The following ZNF704 variants were observed in gnomAD, a reference collection of about 807,000 sequenced individuals.
ZNF704 encodes zinc finger protein 704.
ZNF704 carries 10 observed loss-of-function variants against 44.7 expected under a neutral mutation model. That is an observed-to-expected ratio of 0.22 (90% confidence interval 0.14 to 0.38). The LOEUF is 0.38. Ranked by LOEUF, ZNF704 falls within the 10% of genes least tolerant of loss-of-function variation. ZNF704 has a pLI of 1.00. For synonymous variants in ZNF704, 211 were observed against 207.6 expected (o/e 1.02, Z -0.14); for missense variants, 390 against 545.5 (o/e 0.71, Z 2.84).
chr8:80,827,843 T>C (rs1185059187), intron 1 of ZNF704, among the ~76,000 whole-genome samples: 1 of 152,202 alleles, frequency 6.6e-6, no homozygotes, highest in Non-Finnish European at 1.5e-5. Flanking sequence ...ATTTAGTAAA[T>C]GGTGCTGGGA....
chr8:80,785,752 C>G (rs967659785), intron 2 of ZNF704, among the ~76,000 whole-genome samples: 7 of 152,230 alleles, frequency 4.6e-5, no homozygotes, highest in African/African-American at 1.7e-4. Flanking sequence ...ATTCTCCAGG[C>G]TCATCCTGTA....
intron 1 of ZNF704, among the ~76,000 whole-genome samples, chr8:80,827,435 T>C (rs1346132433): frequency 6.6e-6 from 1 of 152,170 alleles, no homozygotes; most frequent in African/African-American, 2.4e-5. Flanking sequence ...CACAAACAAA[T>C]GGAAGAATAT....
At chr8:80,683,296 G>C (rs1466325448) in intron 4 of ZNF704, among the ~76,000 whole-genome samples, 1 of 152,176 alleles carries the variant, frequency 6.6e-6, no homozygotes, top group African/African-American at 2.4e-5. Flanking sequence ...GGATAGAGAA[G>C]CCTTTCATTT....
intron 7 of ZNF704, among the ~76,000 whole-genome samples, chr8:80,653,220 T>C (rs1262059039): frequency 6.6e-6 from 1 of 152,206 alleles, no homozygotes; most frequent in African/African-American, 2.4e-5. Flanking sequence ...TCATACTGAA[T>C]GGGCAAAAAC....
At chr8:80,659,739 G>C (rs374179304) in intron 6 of ZNF704, 50 bp from the exon 7 acceptor site, 25 of 1,533,912 alleles carry the variant, frequency 1.6e-5, no homozygotes, top group Middle Eastern at 3.4e-4. Context: ...ATTTTCCTTC[G>C]GAGCTTTAAG....
chr8:80,829,527 GGATT>G (rs199894281), intron 1 of ZNF704, among the ~76,000 whole-genome samples: 2,239 of 152,164 alleles, frequency 0.015, 22 homozygotes, highest in Non-Finnish European at 0.021. Flanking sequence ...GGGGCCAAAT[GGATT>G]GATTAAATGA....
intron 2 of ZNF704, among the ~76,000 whole-genome samples, chr8:80,791,257 C>T (rs529659932): frequency 1.3e-5 from 2 of 152,348 alleles, no homozygotes; most frequent in East Asian, 3.9e-4. Flanking sequence ...CAAGAACCTC[C>T]TGCTCATACT....
chr8:80,716,011 C>T (rs944278973), intron 2 of ZNF704, among the ~76,000 whole-genome samples: 3 of 150,958 alleles, frequency 2.0e-5, no homozygotes, highest in Non-Finnish European at 4.4e-5. Flanking sequence ...ACCTGGGAGG[C>T]AGAGGTTGCA....
intron 2 of ZNF704, among the ~76,000 whole-genome samples, chr8:80,784,470 T>C (rs1807582942): frequency 6.6e-6 from 1 of 152,232 alleles, no homozygotes; most frequent in South Asian, 2.1e-4. Flanking sequence ...TTAATAGGTA[T>C]ATAGTGATTT....
chr8:80,704,434 A>G (rs1818863590), intron 2 of ZNF704, among the ~76,000 whole-genome samples: 2 of 152,188 alleles, frequency 1.3e-5, no homozygotes, highest in Admixed American at 1.3e-4. Flanking sequence ...TACAACTCCT[A>G]AAATCCTTGG....
At chr8:80,800,124 A>G (rs547652847) in intron 2 of ZNF704, among the ~76,000 whole-genome samples, 38 of 152,206 alleles carry the variant, frequency 2.5e-4, no homozygotes, top group Non-Finnish European at 4.4e-4. Context: ...CAGAGAAAAA[A>G]TAACGAAAAA....
chr8:80,865,033 A>G (rs1473969655), intron 1 of ZNF704, among the ~76,000 whole-genome samples: 2 of 152,170 alleles, frequency 1.3e-5, no homozygotes, highest in Non-Finnish European at 2.9e-5. Flanking sequence ...ACCACATATT[A>G]TGACGGAACA....
intron 1 of ZNF704, among the ~76,000 whole-genome samples, chr8:80,827,005 A>C (rs1186712149): frequency 6.6e-6 from 1 of 152,206 alleles, no homozygotes; most frequent in African/African-American, 2.4e-5. Flanking sequence ...TTCCCTTTGC[A>C]AACTGGCACA....
chr8:80,794,082 T>A (rs1258197471), intron 2 of ZNF704, among the ~76,000 whole-genome samples: 1 of 151,998 alleles, frequency 6.6e-6, no homozygotes, highest in Non-Finnish European at 1.5e-5. Context: ...ACAAGAAAAT[T>A]GACATTAGTT....
chr8:80,768,550 A>G lies in ZNF704; in HGVS notation c.221+52824T>C, dbSNP rs573706858. 1.4e-3 allele frequency among the ~76,000 whole-genome samples: 208 copies of G among 152,322 alleles called. 4 individuals carry two copies. In the South Asian group the frequency reaches 0.023, roughly 17 times the overall value. ...GCTTTGAGACAACTACTGATTCTCAATGGATCTCTCACACTTTTAATGAGA... is the reference window on the plus strand; with the variant it reads ...GCTTTGAGACAACTACTGATTCTCAGTGGATCTCTCACACTTTTAATGAGA... On this transcript the variant is annotated intron_variant, in intron 2 of 8. Coordinates refer to ENST00000327835, the MANE Select transcript of ZNF704 (RefSeq NM_001033723.3).
chr8:80,782,632 G>A (rs1430344026), intron 2 of ZNF704, among the ~76,000 whole-genome samples: 4 of 152,144 alleles, frequency 2.6e-5, no homozygotes, highest in African/African-American at 7.2e-5. Context: ...ATGGTATTTA[G>A]TAATGGGAGT....
chr8:80,832,772 A>AGG (rs1330321072), intron 1 of ZNF704, among the ~76,000 whole-genome samples: 13 of 152,202 alleles, frequency 8.5e-5, no homozygotes, highest in African/African-American at 2.7e-4. Flanking sequence ...TTGGCTGAGC[A>AGG]ACTCTTTAAG....
chr8:80,802,982 C>T (rs1343353431), intron 2 of ZNF704, among the ~76,000 whole-genome samples: 6 of 152,174 alleles, frequency 3.9e-5, no homozygotes, highest in Non-Finnish European at 7.3e-5. Flanking sequence ...TAAGCAACTT[C>T]AGCAAAGTCT....
chr8:80,797,562 C>A (rs374190415), intron 2 of ZNF704, among the ~76,000 whole-genome samples: 2 of 152,086 alleles, frequency 1.3e-5, no homozygotes, highest in Non-Finnish European at 1.5e-5. Context: ...ATACCTGGTG[C>A]CACTTGAATC....
Sources: allele counts gnomAD v4.1 joint callset (sites outside exome capture counted in the v4.1 genomes callset), GRCh38; gene constraint gnomAD v4.1.1; transcripts MANE v1.5; gene names NCBI Gene and HGNC (gene_info 2026-07-23, HGNC 2026-07-21).